STXBP5: variants seen among roughly 807,000 people sequenced by gnomAD.
STXBP5 encodes the protein syntaxin binding protein 5.
In STXBP5, 50 loss-of-function variants were observed where a neutral mutation model predicts 152.4. The ratio of observed to expected loss-of-function variants is 0.33; its 90% confidence interval spans 0.26 to 0.42. The LOEUF (loss-of-function observed/expected upper bound fraction) is 0.42, where lower values mean the gene tolerates loss of function less well. Among genes scored for constraint, STXBP5 ranks in the 10% least tolerant of loss-of-function variants. The pLI, the probability that STXBP5 is intolerant of heterozygous loss-of-function variation, is 1.00. For synonymous variants in STXBP5, 492 were observed against 494.7 expected, an observed-to-expected ratio of 0.99 and a Z score of 0.07; for missense variants, 1,167 against 1,388.6, an observed-to-expected ratio of 0.84 and a Z score of 2.54.
At chr6:147,319,931 T>C (rs1782835421) in intron 16 of STXBP5, among the ~76,000 whole-genome samples, 1 of 139,482 alleles carries the variant, frequency 7.2e-6, no homozygotes, top group African/African-American at 2.6e-5. Flanking sequence ...AGCCACGACC[T>C]CCTGGGCTCA....
intron 18 of STXBP5, among the ~76,000 whole-genome samples, chr6:147,333,897 T>G (rs1241457229): frequency 6.6e-6 from 1 of 152,244 alleles, no homozygotes; most frequent in Non-Finnish European, 1.5e-5. Flanking sequence ...CCAGGCAAAT[T>G]TATAACATAT....
rs1271263833 is a variant in STXBP5, at chr6:147,387,365, G to A, written c.*2610G>A. On this transcript the variant is annotated 3_prime_UTR_variant, in exon 28 of 28. Coordinates refer to ENST00000321680, the MANE Select transcript of STXBP5 (RefSeq NM_001127715.4). ...TATCAGAAAAATGAAAGATTTTTGTGTGCCCTCTCCATATCCTCATTGTTT... is the reference window on the plus strand; with the variant it reads ...TATCAGAAAAATGAAAGATTTTTGTATGCCCTCTCCATATCCTCATTGTTT... 6.6e-6 allele frequency: 1 copy of A among 151,376 alleles called. No individual in the cohort carries two copies. Among genetic ancestry groups the A allele is most frequent in the East Asian group, 1.9e-4 (1 of 5,164 alleles). The allele number at this position is 151,376 out of a possible 1,614,324, so 9.4% of individuals were successfully genotyped here.
intron 10 of STXBP5, 144 bp downstream of exon 10, chr6:147,310,382 C>G: frequency 1.7e-6 from 1 of 593,490 alleles, no homozygotes; most frequent in Non-Finnish European, 2.5e-6. Flanking sequence ...AATCTACAAA[C>G]TTTATTTCAG....
At chr6:147,283,445 A>G (rs1780793490) in intron 8 of STXBP5, among the ~76,000 whole-genome samples, 1 of 152,210 alleles carries the variant, frequency 6.6e-6, no homozygotes, top group Non-Finnish European at 1.5e-5. Context: ...TCCACAGAGC[A>G]TACTCAAACA....
chr6:147,380,173 TACACACACACAC>T lies in STXBP5; in HGVS notation c.3194-2579_3194-2568del, dbSNP rs58343558. 3.3e-4 allele frequency among the ~76,000 whole-genome samples: 47 copies of T among 143,134 alleles called. No homozygotes were observed. The East Asian group carries it at 4.6e-3, about 14-fold the overall frequency. The allele number at this position is 143,134 out of a possible 152,430, so 93.9% of individuals were successfully genotyped here. ...ATACAAAGAATTCAAAATAGCCACG[TACACACACACAC>T]ACACACACACACACACACACACACA... On this transcript the variant is annotated intron_variant, in intron 26 of 27. Coordinates refer to ENST00000321680, the MANE Select transcript of STXBP5 (RefSeq NM_001127715.4).
At chr6:147,367,684 TA>T (rs1201932176) in intron 25 of STXBP5, among the ~76,000 whole-genome samples, 1 of 150,454 alleles carries the variant, frequency 6.6e-6, no homozygotes, top group Non-Finnish European at 1.5e-5. Context: ...AAACCCAAAG[TA>T]AACACAAGAA....
At chr6:147,258,383 G>GTC (rs936250220) in intron 4 of STXBP5, among the ~76,000 whole-genome samples, 2 of 152,130 alleles carry the variant, frequency 1.3e-5, no homozygotes, top group Non-Finnish European at 2.9e-5. Flanking sequence ...TGTCTTGTCT[G>GTC]TCTCTCTCTG....
Position 147,339,319 on chromosome 6 carries a change from T to TC in STXBP5, c.2207-17dup, listed in dbSNP as rs1453976884. 6 of 1,518,070 alleles carry TC rather than the reference T, an allele frequency of 4.0e-6. No individual in the cohort carries two copies. The highest frequency in any genetic ancestry group is 5.3e-6 in the Non-Finnish European group (6 of 1,137,428). 94.0% of individuals were successfully genotyped at this position (1,518,070 alleles called of 1,614,324 possible). A position where few individuals can be genotyped will look rare whatever the true frequency, so the allele number is the denominator to read the frequency against. On this transcript the variant is annotated splice_polypyrimidine_tract_variant and intron_variant, in intron 20 of 27. Coordinates refer to ENST00000321680, the MANE Select transcript of STXBP5 (RefSeq NM_001127715.4). The stretch of plus-strand genomic sequence containing the variant: ...TTTGACTAGATTTTGACATTTTATA[T>TC]CAAAATATTGTTTTCAGTGAAGACC...
chr6:147,267,126 C>T lies in STXBP5; in HGVS notation c.673C>T (p.Leu225Phe), dbSNP rs2115368930. 1 of 1,609,486 alleles carries T rather than the reference C, an allele frequency of 6.2e-7. No individual in the cohort carries two copies. Among genetic ancestry groups the T allele is most frequent in the East Asian group, 2.2e-5 (1 of 44,630 alleles). The change falls in exon 7 of 28, where the codon CTC becomes TTC. Residue 225 changes from leucine to phenylalanine, a missense_variant. Physicochemically the swap from Leu to Phe is conservative, Grantham distance 22. This residue lies in a region of STXBP5 where 310 missense variants were observed against 346.1 expected (regional missense o/e 0.90). Coordinates refer to ENST00000321680, the MANE Select transcript of STXBP5 (RefSeq NM_001127715.4). ...ATCTGGAACAGTAGTTTTATGGGAC[C>T]TCAAATCAAAGAAAGCCGACTACAG... ...FESGTVVLWDLKSKKADYRYT... is the reference protein window; with the variant it reads ...FESGTVVLWDFKSKKADYRYT...
Position 147,387,345 on chromosome 6 carries a change from G to A in STXBP5, c.*2590G>A, listed in dbSNP as rs1786390140. On this transcript the variant is annotated 3_prime_UTR_variant, in exon 28 of 28. Transcript: ENST00000321680. ...AAAAAAGTCAAAATAGAAAATATCA[G>A]AAAAATGAAAGATTTTTGTGTGCCC... 6.6e-6 allele frequency: 1 copy of A among 151,366 alleles called. No homozygotes were observed. Among genetic ancestry groups the A allele is most frequent in the Non-Finnish European group, 1.5e-5 (1 of 67,610 alleles). 9.4% of individuals were successfully genotyped at this position (151,366 alleles called of 1,614,324 possible).
chr6:147,356,526 G>A (rs1047068057), intron 22 of STXBP5, among the ~76,000 whole-genome samples: 1 of 151,698 alleles, frequency 6.6e-6, no homozygotes, highest in African/African-American at 2.4e-5. Flanking sequence ...TTCATTTATA[G>A]TAAGTAGTTC....
chr6:147,383,676 T>C (rs1786205638), intron 27 of STXBP5, among the ~76,000 whole-genome samples: 1 of 152,120 alleles, frequency 6.6e-6, no homozygotes, highest in South Asian at 2.1e-4. Flanking sequence ...ACACATCTAG[T>C]TCCTAGGCTG....
At chr6:147,289,947 T>G (rs532915387) in intron 8 of STXBP5, among the ~76,000 whole-genome samples, 140 of 152,202 alleles carry the variant, frequency 9.2e-4, no homozygotes, top group Non-Finnish European at 1.8e-3. Context: ...ATGCCTGTAA[T>G]CCCAGCACTT....
chr6:147,268,591 C>T (rs546874179), intron 7 of STXBP5, among the ~76,000 whole-genome samples: 2 of 152,290 alleles, frequency 1.3e-5, no homozygotes, highest in South Asian at 2.1e-4. Context: ...TCAAATTAAA[C>T]AAGCATGTTT....
chr6:147,253,521 T>C (rs890899001), intron 4 of STXBP5, among the ~76,000 whole-genome samples: 1 of 152,220 alleles, frequency 6.6e-6, no homozygotes, highest in Non-Finnish European at 1.5e-5. Context: ...AAATTGTCTC[T>C]GTAGACGACA....
At chr6:147,205,945 C>G in intron 1 of STXBP5, 26 bp from the exon 2 acceptor site, 1 of 1,588,242 alleles carries the variant, frequency 6.3e-7, no homozygotes, top group African/African-American at 1.3e-5. Flanking sequence ...GCCTTGGTTG[C>G]TGTGATGTCA....
intron 7 of STXBP5, among the ~76,000 whole-genome samples, chr6:147,272,503 A>T (rs1780222127): frequency 6.6e-6 from 1 of 152,208 alleles, no homozygotes; most frequent in Non-Finnish European, 1.5e-5. Context: ...ATTCTGTCAT[A>T]GAATTTGATT....
intron 2 of STXBP5, among the ~76,000 whole-genome samples, chr6:147,229,007 G>C (rs1309125272): frequency 6.6e-6 from 1 of 151,968 alleles, no homozygotes; most frequent in African/African-American, 2.4e-5. Context: ...TTTCTCATCT[G>C]TTAAATACGT....
chr6:147,336,813 T>C (rs1783846972), intron 19 of STXBP5, among the ~76,000 whole-genome samples: 1 of 152,104 alleles, frequency 6.6e-6, no homozygotes, highest in Admixed American at 6.5e-5. Context: ...CATATGCCTT[T>C]ATCAAAACCA....
Sources: gnomAD v4.1 joint callset for allele counts (sites outside exome capture counted in the v4.1 genomes callset) on GRCh38, gnomAD v4.1.1 for gene constraint, gnomAD v4.1.1 regional missense constraint, MANE v1.5 for transcripts, NCBI Gene and HGNC (gene_info 2026-07-23, HGNC 2026-07-21) for gene names.